Variants in CEP41 observed in about 807,000 individuals in gnomAD.
CEP41 encodes the protein centrosomal protein of 41 kDa.
A neutral mutation model predicts 44.3 loss-of-function variants in CEP41; 32 were observed. That is an observed-to-expected ratio of 0.72 (90% confidence interval 0.54 to 0.97). The LOEUF (loss-of-function observed/expected upper bound fraction) is 0.97. Among genes scored for constraint, CEP41 ranks in the 50% least tolerant of loss-of-function variants. CEP41 has a pLI of 0.00. For missense variants in CEP41, 432 were observed against 455.2 expected, an observed-to-expected ratio of 0.95 and a Z score of 0.46; for synonymous variants, 151 against 168.5, an observed-to-expected ratio of 0.90 and a Z score of 0.80.
intron 3 of CEP41, among the ~76,000 whole-genome samples, chr7:130,414,873 CAA>C (rs138630703): frequency 6.2e-4 from 95 of 152,344 alleles, no homozygotes; most frequent in African/African-American, 2.3e-3. Context: ...TGTCTTCTCC[CAA>C]ACTCTGTGTT....
chr7:130,403,305 T>C (rs1372929920), intron 6 of CEP41, among the ~76,000 whole-genome samples: 1 of 152,086 alleles, frequency 6.6e-6, no homozygotes, highest in Non-Finnish European at 1.5e-5. Flanking sequence ...AATACTTACA[T>C]AGCTCTCTGT....
At chr7:130,412,125 A>C in intron 4 of CEP41, 54 bp downstream of exon 4, 2 of 948,454 alleles carry the variant, frequency 2.1e-6, no homozygotes, top group South Asian at 1.3e-5. Context: ...AGAAATACAT[A>C]AAGTGGCACA....
chr7:130,422,781 A>C (rs1554422502), intron 2 of CEP41, among the ~76,000 whole-genome samples: 1 of 152,158 alleles, frequency 6.6e-6, no homozygotes, highest in East Asian at 1.9e-4. Flanking sequence ...GCTTTACAAG[A>C]CTAGTTTGGG....
intron 5 of CEP41, 149 bp downstream of exon 5, chr7:130,410,973 A>G: frequency 2.6e-6 from 2 of 771,890 alleles, no homozygotes; most frequent in Non-Finnish European, 4.7e-6. Flanking sequence ...CTAAAGTATC[A>G]GGTAGCATTT....
intron 7 of CEP41, 85 bp from the exon 8 acceptor site, chr7:130,402,033 A>G (rs888942449): frequency 4.5e-6 from 4 of 894,800 alleles, no homozygotes; most frequent in African/African-American, 3.3e-5. Flanking sequence ...AAAATCTAAG[A>G]GTTAAATACA....
intron 5 of CEP41, among the ~76,000 whole-genome samples, chr7:130,406,712 G>A (rs1436909223): frequency 6.6e-6 from 1 of 152,024 alleles, no homozygotes; most frequent in Non-Finnish European, 1.5e-5. Flanking sequence ...CAATAAATAT[G>A]TGGTTAGATA....
At chr7:130,402,550 C>T in intron 7 of CEP41, 98 bp downstream of exon 7, 1 of 1,337,456 alleles carries the variant, frequency 7.5e-7, no homozygotes, top group Non-Finnish European at 1.1e-6. Flanking sequence ...ACGGTTTCCT[C>T]AACTGTCTAC....
rs534910785 is a variant in CEP41, at chr7:130,396,703, C to T, written c.*2188G>A. On this transcript the variant is annotated 3_prime_UTR_variant, in exon 11 of 11. Transcript: ENST00000223208. ...TGATATTAACACTTAACATGCAAAA[C>T]GCAGATTAGAACAGCTCTTTTGAGC... 48 of 454,478 alleles carry T rather than the reference C, an allele frequency of 1.1e-4. No individual in the cohort carries two copies. The highest frequency in any genetic ancestry group is 7.6e-4 in the African/African-American group (38 of 50,102). The allele number at this position is 454,478 out of a possible 1,614,324, so 28.2% of individuals were successfully genotyped here.
At chr7:130,423,424 C>T (rs1327940143) in intron 2 of CEP41, among the ~76,000 whole-genome samples, 4 of 152,036 alleles carry the variant, frequency 2.6e-5, no homozygotes, top group African/African-American at 9.7e-5. Flanking sequence ...AATAATATAC[C>T]ACTTCATGCC....
At chr7:130,440,807 C>A in intron 1 of CEP41, 127 bp downstream of exon 1, 1 of 912,888 alleles carries the variant, frequency 1.1e-6, no homozygotes, top group Non-Finnish European at 1.8e-6. Flanking sequence ...GCATCCCGAC[C>A]CCTCCTCACG....
intron 3 of CEP41, among the ~76,000 whole-genome samples, 186 bp from the exon 4 acceptor site, chr7:130,412,426 C>T (rs563403634): frequency 1.8e-4 from 28 of 152,270 alleles, no homozygotes; most frequent in African/African-American, 6.7e-4. Flanking sequence ...GTTTGTTTCC[C>T]TTTGCTTTGT....
intron 7 of CEP41, 67 bp from the exon 8 acceptor site, chr7:130,402,015 G>T: frequency 9.1e-7 from 1 of 1,097,280 alleles, no homozygotes; most frequent in Non-Finnish European, 1.4e-6. Context: ...TCAATTCCCA[G>T]CTGGTTTAAA....
At chr7:130,414,677 G>A (rs1040415235) in intron 3 of CEP41, among the ~76,000 whole-genome samples, 1 of 152,148 alleles carries the variant, frequency 6.6e-6, no homozygotes, top group East Asian at 1.9e-4. Flanking sequence ...TGAACTCCAC[G>A]TACCTGGTTC....
At chr7:130,436,688 A>G (rs1287973357) in intron 1 of CEP41, among the ~76,000 whole-genome samples, 1 of 150,662 alleles carries the variant, frequency 6.6e-6, no homozygotes, top group Non-Finnish European at 1.5e-5. Flanking sequence ...ACTTATTTTG[A>G]AATAAAACGT....
chr7:130,419,950 T>TAC (rs138793861), intron 2 of CEP41: 80,360 of 968,912 alleles, frequency 0.083, 492 homozygotes, highest in South Asian at 0.1. Flanking sequence ...TATGGGCACG[T>TAC]ACACACACAC....
At chr7:130,399,982 G>A in intron 10 of CEP41, 57 bp downstream of exon 10, 1 of 1,108,720 alleles carries the variant, frequency 9.0e-7, no homozygotes, top group Non-Finnish European at 1.4e-6. Context: ...TTCATATGAT[G>A]AGGTGATATT....
intron 1 of CEP41, among the ~76,000 whole-genome samples, chr7:130,433,095 A>G (rs1374595167): frequency 6.6e-6 from 1 of 152,220 alleles, no homozygotes; most frequent in African/African-American, 2.4e-5. Context: ...CAAGTGAACA[A>G]GAATGCTGTT....
Position 130,398,989 on chromosome 7 carries a change from C to A in CEP41, c.1024G>T (p.Ala342Ser). Residue 342 changes from alanine to serine, a missense_variant, in exon 11 of 11, where the codon GCC becomes TCC. Physicochemically the swap from Ala to Ser is moderately conservative, Grantham distance 99. Transcript: ENST00000223208. ...CCTGGCAGATTCTGAGCGCTTCGGG[C>A]ACCAGGCACCTTGGACTCTCTTCCG... is the stretch of plus-strand genomic sequence containing the variant. Reference protein sequence around the residue: ...SSGRESKVPGARSAQNLPGGG... With the variant: ...SSGRESKVPGSRSAQNLPGGG... The A allele has an allele frequency of 1.2e-6, 2 of 1,614,192 alleles. No individual in the cohort carries two copies. Among genetic ancestry groups the A allele is most frequent in the South Asian group, 1.1e-5 (1 of 91,084 alleles).
intron 1 of CEP41, among the ~76,000 whole-genome samples, chr7:130,432,227 C>T (rs1797842712): frequency 6.6e-6 from 1 of 152,004 alleles, no homozygotes. Flanking sequence ...GGCTATCGTG[C>T]TAAGAGGATC....
Sources: gnomAD v4.1 joint callset for allele counts (sites outside exome capture counted in the v4.1 genomes callset) on GRCh38, gnomAD v4.1.1 for gene constraint, MANE v1.5 for transcripts, NCBI Gene and HGNC (gene_info 2026-07-23, HGNC 2026-07-21) for gene names.